LRRFIP1: variants seen among roughly 807,000 people sequenced by gnomAD.
LRRFIP1 encodes the protein leucine-rich repeat flightless-interacting protein 1.
In LRRFIP1, 62 loss-of-function variants were observed where a neutral mutation model predicts 104.4. The observed-to-expected ratio is 0.59, with a 90% confidence interval of 0.48 to 0.73. LRRFIP1 has a LOEUF of 0.73. Among genes scored for constraint, LRRFIP1 ranks in the 30% least tolerant of loss-of-function variants. LRRFIP1 has a pLI of 0.00. For missense variants in LRRFIP1, 796 were observed against 824.5 expected (o/e 0.97, Z 0.42); for synonymous variants, 300 against 299.0 (o/e 1.00, Z -0.03).
At chr2:237,652,542 A>G (rs1407969956) in intron 1 of LRRFIP1, among the ~76,000 whole-genome samples, 1 of 152,270 alleles carries the variant, frequency 6.6e-6, no homozygotes, top group Non-Finnish European at 1.5e-5. Context: ...ATTCCTCAAA[A>G]AAGTGAAATA....
At chr2:237,627,937 C>A (rs1335028848) in intron 1 of LRRFIP1, among the ~76,000 whole-genome samples, 197 bp downstream of exon 1, 1 of 150,936 alleles carries the variant, frequency 6.6e-6, no homozygotes, top group Admixed American at 6.6e-5. Context: ...TCTCCGAGGC[C>A]TGCGGACCCC....
chr2:237,770,299 A>G (rs1344730746), intron 20 of LRRFIP1: 2 of 293,388 alleles, frequency 6.8e-6, no homozygotes, highest in African/African-American at 4.3e-5. Flanking sequence ...GATTATTAAT[A>G]ATATTAATGA....
rs549589302 is a variant in LRRFIP1 at position 237,680,183 on chromosome 2, GA to G, written c.97-28352del. On this transcript the variant is annotated intron_variant, in intron 1 of 23. Coordinates refer to ENST00000308482, the MANE Select transcript of LRRFIP1 (RefSeq NM_001137550.2). The stretch of plus-strand genomic sequence containing the variant: ...CCCATCTCAAATCAAAAATATTTGG[GA>G]AAAAAAAAGGCTGGGTGCAGTGGCT... Among the ~76,000 whole-genome samples, 16 of 150,800 alleles carry G rather than the reference GA, an allele frequency of 1.1e-4. No homozygotes were observed. The South Asian group carries it at 2.1e-3, about 20-fold the overall frequency.
intron 1 of LRRFIP1, among the ~76,000 whole-genome samples, chr2:237,638,124 T>C (rs1049739334): frequency 6.6e-6 from 1 of 152,204 alleles, no homozygotes; most frequent in Non-Finnish European, 1.5e-5. Flanking sequence ...ATTGTTACAC[T>C]GTAATATATA....
chr2:237,722,076 C>G (rs567826147), intron 6 of LRRFIP1: 3 of 152,112 alleles, frequency 2.0e-5, no homozygotes, highest in Admixed American at 6.5e-5. Context: ...GTCCTTGAAA[C>G]CAGTGAAGAA....
At position 237,717,653 on chromosome 2, in the gene LRRFIP1, C is replaced by T; in HGVS notation, c.202-109C>T. The T allele has an allele frequency of 1.1e-6, 1 of 883,872 alleles. No individual in the cohort carries two copies. The highest frequency in any genetic ancestry group is 1.9e-6 in the Non-Finnish European group (1 of 515,142). 54.8% of individuals were successfully genotyped at this position (883,872 alleles called of 1,614,324 possible). ...CTTTGCCTTGGCGTGTTACCTTCAC[C>T]ACACGGCTGGATGGCGGTTTGGAAA... On this transcript the variant is annotated intron_variant, in intron 3 of 23. Transcript: ENST00000308482. The surrounding 1 kb of genome is among the most constrained non-coding windows in gnomAD (Gnocchi z 4.2).
chr2:237,758,049 G>C (rs949569975), intron 17 of LRRFIP1, among the ~76,000 whole-genome samples: 3 of 152,108 alleles, frequency 2.0e-5, no homozygotes, highest in African/African-American at 7.2e-5. Context: ...TTGAAGGATA[G>C]GGGGAACAGA....
At chr2:237,664,106 A>G (rs1194616107) in intron 1 of LRRFIP1, among the ~76,000 whole-genome samples, 1 of 152,192 alleles carries the variant, frequency 6.6e-6, no homozygotes, top group East Asian at 1.9e-4. Flanking sequence ...AGACCCGGGG[A>G]AGAATGTCAC....
chr2:237,646,242 T>TA (rs369199278), intron 1 of LRRFIP1, among the ~76,000 whole-genome samples: 83 of 152,062 alleles, frequency 5.5e-4, no homozygotes, highest in Admixed American at 2.8e-3. Flanking sequence ...ATATATGTAT[T>TA]ACATTTTTTT....
At chr2:237,777,454 T>C (rs1259327820) in intron 23 of LRRFIP1, among the ~76,000 whole-genome samples, 2 of 152,236 alleles carry the variant, frequency 1.3e-5, no homozygotes, top group Non-Finnish European at 2.9e-5. Flanking sequence ...TCCTTGTTCT[T>C]GGACAGTAGT....
intron 1 of LRRFIP1, among the ~76,000 whole-genome samples, chr2:237,664,047 G>T (rs2088658164): frequency 6.6e-6 from 1 of 152,022 alleles, no homozygotes; most frequent in Non-Finnish European, 1.5e-5. Flanking sequence ...GGTGAAGGGT[G>T]GGGGCAGAGG....
chr2:237,688,440 CCT>C (rs2092533187), intron 1 of LRRFIP1, among the ~76,000 whole-genome samples: 2 of 81,864 alleles, frequency 2.4e-5, no homozygotes, highest in South Asian at 3.4e-4. Flanking sequence ...AGATGGACCC[CCT>C]TTTTTTTTTT....
chr2:237,756,367 G>A (rs2059266352), intron 16 of LRRFIP1, among the ~76,000 whole-genome samples, 180 bp downstream of exon 16: 1 of 152,196 alleles, frequency 6.6e-6, no homozygotes, highest in South Asian at 2.1e-4. Context: ...TTGGGTTCAG[G>A]TGAGGCCTCT....
chr2:237,691,743 C>T lies in LRRFIP1; in HGVS notation c.97-16801C>T, dbSNP rs1032522281. 3.9e-5 allele frequency among the ~76,000 whole-genome samples: 6 copies of T among 152,036 alleles called. No homozygotes were observed. The highest frequency in any genetic ancestry group is 2.0e-4 in the Admixed American group (3 of 15,278). ...CGACCCCTACTGGGCGCGGCATCCT[C>T]CCCGGAGCGCCCGCTTCCCACGGCC... On this transcript the variant is annotated intron_variant, in intron 1 of 23. Coordinates refer to ENST00000308482, the MANE Select transcript of LRRFIP1 (RefSeq NM_001137550.2). This position sits in a 1 kb window ranked among gnomAD's most constrained non-coding sequence, Gnocchi z 5.4.
intron 20 of LRRFIP1, 130 bp downstream of exon 20, chr2:237,770,122 G>A: frequency 1.4e-6 from 1 of 700,030 alleles, no homozygotes; most frequent in Non-Finnish European, 2.5e-6. Flanking sequence ...AAGCCAACTG[G>A]TGTTCTTAAG....
rs375200316 is a variant in LRRFIP1 at position 237,727,837 on chromosome 2, G to A, written c.385-39G>A. The A allele has an allele frequency of 9.5e-6, 14 of 1,470,130 alleles. No individual in the cohort carries two copies. In the African/African-American group the frequency reaches 1.5e-4, roughly 16 times the overall value. 91.1% of individuals were successfully genotyped at this position (1,470,130 alleles called of 1,614,324 possible). A position where few individuals can be genotyped will look rare whatever the true frequency, so the allele number is the denominator to read the frequency against. On this transcript the variant is annotated intron_variant, in intron 7 of 23. Transcript: ENST00000308482. ...GATTTGTACCTGTGAATTCATTTGTGTACTGATGTCAGTTTTTCTCTTTTC... is the reference window on the plus strand; with the variant it reads ...GATTTGTACCTGTGAATTCATTTGTATACTGATGTCAGTTTTTCTCTTTTC...
chr2:237,758,844 T>C (rs1388994237), intron 18 of LRRFIP1, 23 bp downstream of exon 18: 1 of 1,543,278 alleles, frequency 6.5e-7, no homozygotes, highest in Admixed American at 2.0e-5. Flanking sequence ...ACTACAGTTT[T>C]ATTTAAAAAA....
chr2:237,775,885 A>G (rs928546680), intron 23 of LRRFIP1, among the ~76,000 whole-genome samples: 1 of 152,130 alleles, frequency 6.6e-6, no homozygotes, highest in Non-Finnish European at 1.5e-5. Context: ...AAACTGTAGG[A>G]AAGGGACTGT....
chr2:237,692,466 C>G (rs2092870895), intron 1 of LRRFIP1: 1 of 1,531,736 alleles, frequency 6.5e-7, no homozygotes, highest in South Asian at 1.2e-5. Context: ...ATGACCAGCC[C>G]CGCGGCCGCT....
Sources: gnomAD v4.1 joint callset for allele counts (sites outside exome capture counted in the v4.1 genomes callset) on GRCh38, gnomAD v4.1.1 for gene constraint, Gnocchi (gnomAD v3.1) non-coding constraint, MANE v1.5 for transcripts, NCBI Gene and HGNC (gene_info 2026-07-23, HGNC 2026-07-21) for gene names.